Variants in EML6 observed in about 807,000 individuals in gnomAD.
EML6 encodes the protein EMAP like 6, also known as echinoderm microtubule-associated protein-like 6.
A neutral mutation model predicts 240.1 loss-of-function variants in EML6; 154 were observed. The ratio of observed to expected loss-of-function variants is 0.64; its 90% CI spans 0.56 to 0.73. The LOEUF (loss-of-function observed/expected upper bound fraction) is 0.73, where lower values mean the gene tolerates loss of function less well. Ranked by LOEUF, EML6 falls within the 30% of genes least tolerant of loss-of-function variation. The pLI, the probability that EML6 is intolerant of heterozygous loss-of-function variation, is 0.00. For synonymous variants in EML6, 1,148 were observed against 899.0 expected, an observed-to-expected ratio of 1.28 and a Z score of -4.95; for missense variants, 2,964 against 2,474.6, an observed-to-expected ratio of 1.20 and a Z score of -4.20.
chr2:54,723,649 C>T (rs535266428), upstream of EML6: 2 of 152,376 alleles, frequency 1.3e-5, no homozygotes, highest in Admixed American at 1.3e-4. Flanking sequence ...GAACCTGTCT[C>T]CCGCGGCGCC....
At chr2:54,799,955 T>G (rs1468814234) in intron 2 of EML6, among the ~76,000 whole-genome samples, 4 of 152,096 alleles carry the variant, frequency 2.6e-5, no homozygotes, top group African/African-American at 9.7e-5. Context: ...TAAAGAGATT[T>G]GGGGTTTCGG....
intron 2 of EML6, among the ~76,000 whole-genome samples, chr2:54,765,620 C>T (rs1614026): frequency 0.15 from 22,061 of 152,072 alleles, 1,910 homozygotes; most frequent in Non-Finnish European, 0.19. Flanking sequence ...GCCCTATGTC[C>T]GGCTAAGTTT....
At chr2:54,964,836 AACTC>A (rs1676678857) in intron 38 of EML6, 103 bp downstream of exon 38, 3 of 1,074,664 alleles carry the variant, frequency 2.8e-6, no homozygotes, top group Admixed American at 5.3e-5. Flanking sequence ...GCAATGTGCT[AACTC>A]ACTCTTCACC....
rs372315990 is a variant in EML6 at position 54,794,022 on chromosome 2, T to G, written c.198-19210T>G. On this transcript the variant is annotated intron_variant, in intron 2 of 41. Transcript: ENST00000356458. ...CTTGCCTCACCTCATCTAATAAACA[T>G]GAAAACTGACCCTTAATAAGCATTT... is the stretch of plus-strand genomic sequence containing the variant. Among the ~76,000 whole-genome samples, 72 of 152,356 alleles carry G rather than the reference T, an allele frequency of 4.7e-4. 2 individuals are homozygous for G. The South Asian group carries it at 0.014, about 31-fold the overall frequency.
chr2:54,960,292 C>G lies in EML6; in HGVS notation c.4926C>G (p.Thr1642=), dbSNP rs746553279. The part of the protein sequence containing the change: ...MKRCRAFQLE[T]GQLVECVRSV... ...GCTGCCGGGCCTTTCAGCTGGAGAC[C>G]GGGCAGCTGGTGGAGTGTGTGCGCT... is the stretch of plus-strand genomic sequence containing the variant. Residue 1642 remains threonine, a synonymous_variant, in exon 35 of 42, where the codon ACC becomes ACG. Coordinates refer to ENST00000356458, the MANE Select transcript of EML6 (RefSeq NM_001039753.4). 2 of 1,551,298 alleles carry G rather than the reference C, an allele frequency of 1.3e-6. No individual in the cohort carries two copies. The highest frequency in any genetic ancestry group is 1.2e-5 in the South Asian group (1 of 84,050).
chr2:54,811,416 T>C (rs892404832), intron 2 of EML6, among the ~76,000 whole-genome samples: 1 of 152,234 alleles, frequency 6.6e-6, no homozygotes, highest in African/African-American at 2.4e-5. Flanking sequence ...TTGTCTTTCA[T>C]ATGAACTCGT....
At chr2:54,798,867 A>C (rs927973631) in intron 2 of EML6, among the ~76,000 whole-genome samples, 2 of 152,248 alleles carry the variant, frequency 1.3e-5, no homozygotes, top group African/African-American at 4.8e-5. Context: ...CATAAAGAGA[A>C]TGCATTCAGT....
At chr2:54,911,593 C>A (rs1673641651) in intron 25 of EML6, among the ~76,000 whole-genome samples, 1 of 152,076 alleles carries the variant, frequency 6.6e-6, no homozygotes, top group South Asian at 2.1e-4. Context: ...CCACACCCAG[C>A]TAATTTTTTT....
At chr2:54,891,731 T>A (rs1054772947) in intron 18 of EML6, among the ~76,000 whole-genome samples, 1 of 152,176 alleles carries the variant, frequency 6.6e-6, no homozygotes, top group Non-Finnish European at 1.5e-5. Flanking sequence ...TAACTTATTA[T>A]GCACAAAATG....
At chr2:54,761,706 G>A (rs1010368714) in intron 2 of EML6, among the ~76,000 whole-genome samples, 1 of 152,118 alleles carries the variant, frequency 6.6e-6, no homozygotes, top group African/African-American at 2.4e-5. Flanking sequence ...TATGCTTTAA[G>A]TTTAAAATAT....
intron 26 of EML6, among the ~76,000 whole-genome samples, chr2:54,922,393 T>C (rs1674304416): frequency 6.6e-6 from 1 of 152,052 alleles, no homozygotes; most frequent in African/African-American, 2.4e-5. Context: ...AAAGAACAAG[T>C]GTTGGTGAGG....
intron 2 of EML6, among the ~76,000 whole-genome samples, chr2:54,777,813 A>G (rs1249892861): frequency 6.6e-6 from 1 of 152,230 alleles, no homozygotes; most frequent in African/African-American, 2.4e-5. Context: ...TAAAGAAACT[A>G]TCTTAAAATC....
chr2:54,859,732 T>G lies in EML6; in HGVS notation c.1825+31T>G, dbSNP rs919987630. The stretch of plus-strand genomic sequence containing the variant: ...CCCAGCAATAATTTCTTAACATCAT[T>G]TTATTTTTCAATAGGCATTTCAAAG... On this transcript the variant is annotated intron_variant, in intron 12 of 41. Transcript: ENST00000356458. 3 of 1,506,606 alleles carry G rather than the reference T, an allele frequency of 2.0e-6. No homozygotes were observed. In the African/African-American group the frequency reaches 4.2e-5, roughly 21 times the overall value. The allele number at this position is 1,506,606 out of a possible 1,614,324, so 93.3% of individuals were successfully genotyped here. A position where few individuals can be genotyped will look rare whatever the true frequency, so the allele number is the denominator to read the frequency against.
At position 54,847,628 on chromosome 2, in the gene EML6, G is replaced by C. The variant is rs529941190; in HGVS notation, c.1187+5G>C. 2 of 1,551,840 alleles carry C rather than the reference G, an allele frequency of 1.3e-6. No individual in the cohort carries two copies. The highest frequency in any genetic ancestry group is 1.7e-6 in the Non-Finnish European group (2 of 1,146,826). ...TTTCATTGTTCTCCGAGTCAGGCAC[G>C]TACTGATGTTGAAAATGGTATTTAG... On this transcript the variant is annotated splice_donor_5th_base_variant and intron_variant, in intron 9 of 41. Transcript: ENST00000356458.
chr2:54,891,123 G>T lies in EML6; in HGVS notation c.2508G>T (p.Gly836=), dbSNP rs1323716804. The change falls in exon 18 of 42, where the codon GGG becomes GGT. Residue 836 remains glycine (G), a synonymous_variant. Transcript: ENST00000356458. ...ATGTTGACAAACTGGTTACAGTTGG[G>T]ATAAAACACATCAAATTCTGGCAAC... ...PHHVDKLVTV[G]IKHIKFWQQA... 14 of 1,490,266 alleles carry T rather than the reference G, an allele frequency of 9.4e-6. No individual in the cohort carries two copies. Among genetic ancestry groups the T allele is most frequent in the Non-Finnish European group, 1.3e-5 (14 of 1,102,070 alleles). 92.3% of individuals were successfully genotyped at this position (1,490,266 alleles called of 1,614,324 possible). A position where few individuals can be genotyped will look rare whatever the true frequency, so the allele number is the denominator to read the frequency against.
chr2:54,854,183 A>G (rs973911577), intron 11 of EML6, among the ~76,000 whole-genome samples: 2 of 152,228 alleles, frequency 1.3e-5, no homozygotes, highest in Middle Eastern at 3.2e-3. Context: ...TGTTGTAACT[A>G]AAATTCTTTT....
At chr2:54,781,712 C>G (rs1668865246) in intron 2 of EML6, among the ~76,000 whole-genome samples, 1 of 152,160 alleles carries the variant, frequency 6.6e-6, no homozygotes, top group Non-Finnish European at 1.5e-5. Context: ...TTCTGTCACC[C>G]AGGCTGGAGT....
intron 21 of EML6, among the ~76,000 whole-genome samples, chr2:54,897,986 G>A (rs891777): frequency 0.86 from 131,252 of 152,148 alleles, 56,819 homozygotes; most frequent in Non-Finnish European, 0.89. Flanking sequence ...CCACTTTGCC[G>A]GTTTTGGTGG....
At position 54,916,790 on chromosome 2, in the gene EML6, G is replaced by A; in HGVS notation, c.3530G>A (p.Cys1177Tyr). The change falls in exon 26 of 42, where the codon TGT becomes TAT. Residue 1177 changes from cysteine to tyrosine, a missense_variant. Coordinates refer to ENST00000356458, the MANE Select transcript of EML6 (RefSeq NM_001039753.4). ...IEKIEWDTWT[C>Y]VLGPTCEGIW... ...AAGATAGAGTGGGACACATGGACCT[G>A]TGTCCTGGGGCCCACCTGTGAGGGA... 6.5e-7 allele frequency: 1 copy of A among 1,537,908 alleles called. No individual in the cohort carries two copies. The highest frequency in any genetic ancestry group is 8.8e-7 in the Non-Finnish European group (1 of 1,136,564).
Sources: allele counts gnomAD v4.1 joint callset (sites outside exome capture counted in the v4.1 genomes callset), GRCh38; gene constraint gnomAD v4.1.1; transcripts MANE v1.5; gene names NCBI Gene and HGNC (gene_info 2026-07-23, HGNC 2026-07-21).